Variants in PLD5 observed in about 807,000 individuals in gnomAD.
PLD5 encodes the protein phospholipase D family member 5.
Under a neutral mutation model 61.1 loss-of-function variants are expected in PLD5, and 36 were observed. The observed-to-expected ratio is 0.59, with a 90% CI of 0.45 to 0.78. The LOEUF (loss-of-function observed/expected upper bound fraction) is 0.78, where lower values mean the gene tolerates loss of function less well. PLD5 is among the 30% of genes least tolerant of loss of function. The probability of loss-of-function intolerance (pLI) is 0.00; values close to 1 mark genes in which losing one functional copy is unlikely to be tolerated. For synonymous variants in PLD5, 243 were observed against 242.8 expected, an observed-to-expected ratio of 1.00 and a Z score of -0.01; for missense variants, 515 against 644.4, an observed-to-expected ratio of 0.80 and a Z score of 2.17.
intron 1 of PLD5, among the ~76,000 whole-genome samples, chr1:242,491,742 T>A (rs1245364343): frequency 6.6e-6 from 1 of 152,228 alleles, no homozygotes; most frequent in Non-Finnish European, 1.5e-5. Flanking sequence ...TCTGTGGCAC[T>A]GTGTTCTCCA....
intron 2 of PLD5, among the ~76,000 whole-genome samples, chr1:242,302,184 G>A (rs1489777827): frequency 1.3e-5 from 2 of 152,166 alleles, no homozygotes; most frequent in East Asian, 1.9e-4. Context: ...GTGCAGGTTC[G>A]TAGCCCAGGA....
intron 4 of PLD5, among the ~76,000 whole-genome samples, chr1:242,240,772 G>A (rs1671949349): frequency 6.6e-6 from 1 of 152,156 alleles, no homozygotes; most frequent in African/African-American, 2.4e-5. Context: ...AGAATTCAGG[G>A]ATGAAAAATA....
chr1:242,445,233 G>A (rs12408539), intron 1 of PLD5, among the ~76,000 whole-genome samples: 3,104 of 152,282 alleles, frequency 0.02, 132 homozygotes, highest in East Asian at 0.14. Flanking sequence ...TGAACACACA[G>A]CGAGAAGGCA....
intron 1 of PLD5, among the ~76,000 whole-genome samples, chr1:242,382,886 T>A (rs77732688): frequency 0.058 from 8,850 of 152,304 alleles, 362 homozygotes; most frequent in Non-Finnish European, 0.091. Context: ...TTACATCTCT[T>A]CTGTTAAATG....
At position 242,089,761 on chromosome 1, in the gene PLD5, A is replaced by G; in HGVS notation, c.*93T>C. On this transcript the variant is annotated 3_prime_UTR_variant, in exon 10 of 10. Transcript: ENST00000536534. ...TTTTTATAAGTGTGCTTTTTCCCTA[A>G]AAAAAGAGACATATTAAAGTGTTTT... is the stretch of plus-strand genomic sequence containing the variant. The G allele has an allele frequency of 6.7e-7, 1 of 1,499,158 alleles. No homozygotes were observed. The highest frequency in any genetic ancestry group is 1.8e-4 in the Middle Eastern group (1 of 5,688). 92.9% of individuals were successfully genotyped at this position (1,499,158 alleles called of 1,614,324 possible). A position where few individuals can be genotyped will look rare whatever the true frequency, so the allele number is the denominator to read the frequency against.
At chr1:242,403,404 G>C (rs1664049575) in intron 1 of PLD5, among the ~76,000 whole-genome samples, 1 of 151,758 alleles carries the variant, frequency 6.6e-6, no homozygotes, top group South Asian at 2.1e-4. Flanking sequence ...TACAGGGGCA[G>C]CTCTCCATCT....
At chr1:242,167,873 G>T (rs1021895263) in intron 5 of PLD5, among the ~76,000 whole-genome samples, 5 of 152,180 alleles carry the variant, frequency 3.3e-5, no homozygotes, top group Non-Finnish European at 7.3e-5. Context: ...ATTTAGGTGG[G>T]CAATTTGCTC....
intron 1 of PLD5, among the ~76,000 whole-genome samples, chr1:242,375,197 T>C (rs1572006704): frequency 6.6e-6 from 1 of 152,122 alleles, no homozygotes; most frequent in South Asian, 2.1e-4. Context: ...AGGCTAGAGG[T>C]TTGTGTACGG....
intron 3 of PLD5, among the ~76,000 whole-genome samples, chr1:242,280,562 T>C (rs1674666761): frequency 6.6e-6 from 1 of 152,154 alleles, no homozygotes; most frequent in African/African-American, 2.4e-5. Flanking sequence ...AAATGAAATG[T>C]GTGTTTTTAT....
intron 1 of PLD5, chr1:242,449,563 T>C: frequency 7.0e-7 from 1 of 1,420,480 alleles, no homozygotes; most frequent in Non-Finnish European, 9.2e-7. Context: ...GAGAAAGGGC[T>C]GCAGCTTGCA....
intron 5 of PLD5, chr1:242,209,298 C>T (rs771425572): frequency 2.0e-5 from 3 of 152,148 alleles, no homozygotes; most frequent in Non-Finnish European, 4.4e-5. Context: ...CACAGGACTC[C>T]CTGCAGCCAG....
At chr1:242,475,839 G>C (rs1667580520) in intron 1 of PLD5, among the ~76,000 whole-genome samples, 1 of 152,024 alleles carries the variant, frequency 6.6e-6, no homozygotes, top group Non-Finnish European at 1.5e-5. Context: ...TGTGCTCAGA[G>C]GCACCCCCAT....
chr1:242,295,169 C>T (rs1372282445), intron 2 of PLD5, among the ~76,000 whole-genome samples: 7 of 152,122 alleles, frequency 4.6e-5, no homozygotes, highest in African/African-American at 7.2e-5. Context: ...GGGGTACACA[C>T]GCAGGTTTCT....
At chr1:242,140,455 GT>G (rs1664076737) in intron 5 of PLD5, among the ~76,000 whole-genome samples, 1 of 152,070 alleles carries the variant, frequency 6.6e-6, no homozygotes, top group African/African-American at 2.4e-5. Context: ...ACCAGCCTGG[GT>G]TTAGTAGCCT....
Position 242,089,960 on chromosome 1 carries a change from A to G in PLD5, c.1505T>C (p.Leu502Ser). The G allele has an allele frequency of 6.2e-7, 1 of 1,614,156 alleles. No homozygotes were observed. Among genetic ancestry groups the G allele is most frequent in the Non-Finnish European group, 8.5e-7 (1 of 1,180,040 alleles). Residue 502 changes from leucine (L) to serine (S), a missense_variant, in exon 10 of 10, where the codon TTA becomes TCA. Leu to Ser is a moderately radical substitution (Grantham distance 145). This residue lies in a region of PLD5 where 450 missense variants were observed against 598.1 expected (regional missense o/e 0.75). Coordinates refer to ENST00000536534, the MANE Select transcript of PLD5 (RefSeq NM_001372062.1). ...GCAGTTCGGCTGTTTGGTTGGCTGT[A>G]AGGTTTTGGCATACGGTGAATACCA... ...RDWYSPYAKT[L>S]QPTKQPNCSS...
At chr1:242,243,391 T>C (rs990993982) in intron 4 of PLD5, among the ~76,000 whole-genome samples, 2 of 152,158 alleles carry the variant, frequency 1.3e-5, no homozygotes, top group Non-Finnish European at 2.9e-5. Flanking sequence ...ATTGCAGCTA[T>C]GGAGACATAG....
intron 4 of PLD5, among the ~76,000 whole-genome samples, chr1:242,261,704 A>T (rs1483698916): frequency 6.6e-6 from 1 of 152,220 alleles, no homozygotes; most frequent in Non-Finnish European, 1.5e-5. Flanking sequence ...TCTCCAAGAG[A>T]ATATGGAAAT....
chr1:242,153,153 T>C (rs1665071250), intron 5 of PLD5, among the ~76,000 whole-genome samples: 1 of 151,944 alleles, frequency 6.6e-6, no homozygotes, highest in Non-Finnish European at 1.5e-5. Context: ...CATAGATGTA[T>C]TCTTTTGAGA....
intron 2 of PLD5, among the ~76,000 whole-genome samples, chr1:242,331,526 C>T (rs900479230): frequency 1.5e-5 from 1 of 65,906 alleles, no homozygotes; most frequent in East Asian, 3.5e-4. Context: ...CTGGAAGGGA[C>T]CTTCTAACAT....
Sources: allele counts gnomAD v4.1 joint callset (sites outside exome capture counted in the v4.1 genomes callset), GRCh38; gene constraint gnomAD v4.1.1; regional missense constraint gnomAD v4.1.1; transcripts MANE v1.5; gene names NCBI Gene and HGNC (gene_info 2026-07-23, HGNC 2026-07-21).